The following TEC variants were observed in gnomAD, a reference collection of about 807,000 sequenced individuals.
The protein encoded by TEC is tec protein tyrosine kinase, also known as tyrosine-protein kinase Tec.
Under a neutral mutation model 93.0 loss-of-function variants are expected in TEC, and 72 were observed. The ratio of observed to expected loss-of-function variants is 0.77; its 90% CI spans 0.64 to 0.94. The LOEUF is 0.94. Among genes scored for constraint, TEC ranks in the 40% least tolerant of loss-of-function variants. The pLI is 0.00. For synonymous variants in TEC, 249 were observed against 247.7 expected (o/e 1.01, Z -0.05); for missense variants, 630 against 757.9 (o/e 0.83, Z 1.98).
chr4:48,179,354 ATATATATATATATATATATATAT>A (rs1721470946), intron 2 of TEC, among the ~76,000 whole-genome samples: 1 of 32,218 alleles, frequency 3.1e-5, no homozygotes, highest in African/African-American at 1.3e-4. Flanking sequence ...ATATATATAT[ATATATATATATATATATATATAT>A]TTTTTTTTTT....
At chr4:48,216,831 A>T (rs537142022) in intron 2 of TEC, among the ~76,000 whole-genome samples, 27 of 152,360 alleles carry the variant, frequency 1.8e-4, no homozygotes, top group Admixed American at 1.4e-3. Flanking sequence ...CTGATTTTTC[A>T]TATAGCCTTT....
chr4:48,142,271 G>C (rs1240249964), intron 14 of TEC, among the ~76,000 whole-genome samples: 1 of 152,068 alleles, frequency 6.6e-6, no homozygotes, highest in Non-Finnish European at 1.5e-5. Context: ...AGGAGTTCGG[G>C]ACCAGCCTGG....
chr4:48,183,489 C>T (rs1219943905), intron 2 of TEC, among the ~76,000 whole-genome samples: 1 of 152,182 alleles, frequency 6.6e-6, no homozygotes, highest in Non-Finnish European at 1.5e-5. Flanking sequence ...GGGCATCATC[C>T]AATCCGATGA....
intron 2 of TEC, among the ~76,000 whole-genome samples, chr4:48,223,266 T>C (rs1723325322): frequency 6.6e-6 from 1 of 152,172 alleles, no homozygotes; most frequent in African/African-American, 2.4e-5. Context: ...AAGAAAATTT[T>C]TTTAAAGAAG....
At position 48,258,862 on chromosome 4, in the gene TEC, G is replaced by A. The variant is rs570888948; in HGVS notation, c.-46+10890C>T. 5.3e-5 allele frequency among the ~76,000 whole-genome samples: 8 copies of A among 151,952 alleles called. No individual in the cohort carries two copies. In the South Asian group the frequency reaches 8.3e-4, roughly 16 times the overall value. ...CTTTCAAAGGGAAAGACTCTCCTCC[G>A]AAATGTTATATTTGCTTAAAACAGT... On this transcript the variant is annotated intron_variant, in intron 1 of 17. Coordinates refer to ENST00000381501, the MANE Select transcript of TEC (RefSeq NM_003215.3).
chr4:48,224,903 G>A (rs539836171), intron 2 of TEC, among the ~76,000 whole-genome samples: 2 of 152,176 alleles, frequency 1.3e-5, no homozygotes, highest in African/African-American at 4.8e-5. Flanking sequence ...ATTATGAACT[G>A]AGAGTTTTAA....
chr4:48,216,692 T>G (rs1723092462), intron 2 of TEC, among the ~76,000 whole-genome samples: 1 of 152,236 alleles, frequency 6.6e-6, no homozygotes, highest in Admixed American at 6.5e-5. Context: ...CAGTCTTGAA[T>G]ATGTTCAGTG....
At chr4:48,231,830 GT>G (rs1317251943) in intron 1 of TEC, among the ~76,000 whole-genome samples, 8 of 152,182 alleles carry the variant, frequency 5.3e-5, no homozygotes, top group Non-Finnish European at 8.8e-5. Flanking sequence ...GTGTAGACAT[GT>G]AGTTCCCAAC....
intron 2 of TEC, among the ~76,000 whole-genome samples, chr4:48,205,056 A>G (rs1026949562): frequency 1.3e-5 from 2 of 152,222 alleles, no homozygotes. Context: ...ATTAGTTGCA[A>G]ATCATTGACT....
intron 1 of TEC, among the ~76,000 whole-genome samples, chr4:48,254,219 C>G (rs1467394362): frequency 6.6e-6 from 1 of 152,094 alleles, no homozygotes; most frequent in African/African-American, 2.4e-5. Context: ...GACCATGAAC[C>G]AGGTGAGTCA....
intron 2 of TEC, among the ~76,000 whole-genome samples, chr4:48,206,664 A>T (rs1577636455): frequency 6.6e-6 from 1 of 151,800 alleles, no homozygotes; most frequent in East Asian, 1.9e-4. Context: ...AAAGTTGGCC[A>T]GGCGTGATGG....
chr4:48,172,617 T>C (rs765478262), intron 3 of TEC, among the ~76,000 whole-genome samples: 1 of 151,604 alleles, frequency 6.6e-6, no homozygotes, highest in South Asian at 2.1e-4. Flanking sequence ...TGCACTGTAA[T>C]AGTAATGTGA....
intron 2 of TEC, among the ~76,000 whole-genome samples, chr4:48,184,619 C>T (rs566550281): frequency 6.6e-6 from 1 of 152,246 alleles, no homozygotes; most frequent in East Asian, 1.9e-4. Flanking sequence ...ATCATTAGGC[C>T]TCATTTTGCA....
rs1411316019 is a variant in TEC, at chr4:48,222,530, T to G, written c.138+5947A>C. Among the ~76,000 whole-genome samples the G allele has an allele frequency of 4.6e-5, 7 of 151,916 alleles. No homozygotes were observed. The East Asian group carries it at 1.4e-3, about 29-fold the overall frequency. On this transcript the variant is annotated intron_variant, in intron 2 of 17. Coordinates refer to ENST00000381501, the MANE Select transcript of TEC (RefSeq NM_003215.3). ...GGGTACCCAGATTAAACATTGCTTC[T>G]GAGTGTGTCTGTGAGAGTGTTTCTC...
Position 48,162,974 on chromosome 4 carries a change from T to C in TEC, c.737+728A>G, listed in dbSNP as rs1332215819. Reference sequence around the variant, plus strand: ...CACGTACAGCCTGTAGCCCAGCACATAGATTTTAGAGATCCAGTTTAAGAT... The same window carrying C: ...CACGTACAGCCTGTAGCCCAGCACACAGATTTTAGAGATCCAGTTTAAGAT... On this transcript the variant is annotated intron_variant, in intron 8 of 17. Coordinates refer to ENST00000381501, the MANE Select transcript of TEC (RefSeq NM_003215.3). Among the ~76,000 whole-genome samples the C allele has an allele frequency of 4.6e-5, 7 of 152,298 alleles. 1 individual carries two copies. Among genetic ancestry groups the C allele is most frequent in the African/African-American group, 1.4e-4 (6 of 41,556 alleles).
intron 2 of TEC, among the ~76,000 whole-genome samples, chr4:48,213,783 C>T (rs1430848592): frequency 6.6e-6 from 1 of 151,966 alleles, no homozygotes. Flanking sequence ...TTAAAACATA[C>T]CCTTGTTTTA....
chr4:48,265,598 C>T (rs749223485), intron 1 of TEC, among the ~76,000 whole-genome samples: 1 of 150,804 alleles, frequency 6.6e-6, no homozygotes, highest in Non-Finnish European at 1.5e-5. Context: ...CTGCAACCTC[C>T]GCTTCCTGGG....
chr4:48,181,263 C>T (rs373472837), intron 2 of TEC, among the ~76,000 whole-genome samples: 17 of 152,248 alleles, frequency 1.1e-4, no homozygotes, highest in South Asian at 2.1e-4. Flanking sequence ...AAATGCTTAG[C>T]GCCATCTTTA....
intron 14 of TEC, chr4:48,141,769 A>G (rs956458770): frequency 5.3e-6 from 1 of 189,840 alleles, no homozygotes; most frequent in Non-Finnish European, 1.0e-5. Flanking sequence ...TGCAACCTCC[A>G]CCTTCCAGTT....
Sources: allele counts gnomAD v4.1 joint callset (sites outside exome capture counted in the v4.1 genomes callset), GRCh38; gene constraint gnomAD v4.1.1; transcripts MANE v1.5; gene names NCBI Gene and HGNC (gene_info 2026-07-23, HGNC 2026-07-21).